The following CSNK1G1 variants were observed in gnomAD, a reference collection of about 807,000 sequenced individuals.
CSNK1G1 encodes the protein casein kinase I isoform gamma-1.
Under a neutral mutation model 59.6 loss-of-function variants are expected in CSNK1G1, and 22 were observed. The observed-to-expected ratio is 0.37, with a 90% CI of 0.26 to 0.53. The LOEUF (loss-of-function observed/expected upper bound fraction) is 0.53, where lower values mean the gene tolerates loss of function less well. Among genes scored for constraint, CSNK1G1 ranks in the 20% least tolerant of loss-of-function variants. The pLI is 0.89. For synonymous variants in CSNK1G1, 179 were observed against 177.1 expected (o/e 1.01, Z -0.08); for missense variants, 384 against 519.5 (o/e 0.74, Z 2.54).
intron 4 of CSNK1G1, among the ~76,000 whole-genome samples, chr15:64,219,137 G>T (rs1278306252): frequency 6.6e-6 from 1 of 152,164 alleles, no homozygotes; most frequent in African/African-American, 2.4e-5. Flanking sequence ...TTACAGGCGT[G>T]AGCCACCACA....
intron 10 of CSNK1G1, among the ~76,000 whole-genome samples, chr15:64,192,840 TAAAAAAAAAAA>T (rs66643774): frequency 2.2e-4 from 7 of 32,226 alleles, no homozygotes; most frequent in South Asian, 2.0e-3. Context: ...GAGATCTGCC[TAAAAAAAAAAA>T]AAAAAAAAAA....
intron 4 of CSNK1G1, among the ~76,000 whole-genome samples, chr15:64,250,825 G>C (rs564983848): frequency 6.6e-6 from 1 of 152,174 alleles, no homozygotes; most frequent in African/African-American, 2.4e-5. Context: ...CAGTGAAGGG[G>C]GCATAAAGCA....
intron 4 of CSNK1G1, among the ~76,000 whole-genome samples, chr15:64,238,779 C>G (rs1040656959): frequency 6.6e-6 from 1 of 151,700 alleles, no homozygotes; most frequent in Non-Finnish European, 1.5e-5. Flanking sequence ...CATGCCCCCC[C>G]AGGGATAGAG....
intron 1 of CSNK1G1, among the ~76,000 whole-genome samples, chr15:64,322,067 T>C (rs748392858): frequency 5.9e-5 from 9 of 152,242 alleles, no homozygotes; most frequent in Non-Finnish European, 8.8e-5. Context: ...TATTCTGTAA[T>C]ATGTAATATC....
chr15:64,254,812 T>A (rs964316700), intron 3 of CSNK1G1, among the ~76,000 whole-genome samples: 5 of 152,250 alleles, frequency 3.3e-5, no homozygotes, highest in African/African-American at 1.2e-4. Context: ...CCAACTTAGC[T>A]AGTTTTTTTC....
chr15:64,204,105 T>C (rs963487689), intron 9 of CSNK1G1, among the ~76,000 whole-genome samples: 2 of 151,880 alleles, frequency 1.3e-5, no homozygotes, highest in African/African-American at 2.4e-5. Flanking sequence ...ATTGGCGCCA[T>C]TGCACTCCAG....
intron 1 of CSNK1G1, among the ~76,000 whole-genome samples, chr15:64,335,549 C>G (rs1447940479): frequency 6.6e-6 from 1 of 152,186 alleles, no homozygotes; most frequent in Non-Finnish European, 1.5e-5. Context: ...CATTAACTGC[C>G]TCATCACTAT....
chr15:64,342,783 C>G (rs1047701060), intron 1 of CSNK1G1: 2 of 152,152 alleles, frequency 1.3e-5, no homozygotes, highest in Non-Finnish European at 2.9e-5. Context: ...ATTTCCTCTG[C>G]CTAACTTTCA....
intron 10 of CSNK1G1, among the ~76,000 whole-genome samples, chr15:64,186,197 C>T (rs933916950): frequency 5.9e-5 from 9 of 152,088 alleles, no homozygotes; most frequent in Non-Finnish European, 1.3e-4. Flanking sequence ...ACTTCTGCCT[C>T]CCGAGTTTAA....
chr15:64,202,957 G>C (rs2082126737), intron 10 of CSNK1G1, 125 bp downstream of exon 10: 1 of 747,204 alleles, frequency 1.3e-6, no homozygotes, highest in Non-Finnish European at 2.3e-6. Context: ...ACACCTGTAA[G>C]AAATGGCAAG....
At chr15:64,180,259 C>T in intron 11 of CSNK1G1, 89 bp downstream of exon 11, 1 of 940,532 alleles carries the variant, frequency 1.1e-6, no homozygotes, top group Non-Finnish European at 1.7e-6. Context: ...ATGAGAAATC[C>T]AGTCTGAGAC....
chr15:64,268,240 C>T (rs1893086909), intron 2 of CSNK1G1, among the ~76,000 whole-genome samples: 1 of 152,094 alleles, frequency 6.6e-6, no homozygotes, highest in East Asian at 1.9e-4. Flanking sequence ...ACAAATCCTG[C>T]ATCATCTCAC....
At chr15:64,202,050 T>C (rs2082116293) in intron 10 of CSNK1G1, among the ~76,000 whole-genome samples, 1 of 152,164 alleles carries the variant, frequency 6.6e-6, no homozygotes, top group Non-Finnish European at 1.5e-5. Flanking sequence ...CTTGTTGATT[T>C]TTTGGTGTGT....
chr15:64,327,096 G>A (rs1436579108), intron 1 of CSNK1G1, among the ~76,000 whole-genome samples: 2 of 151,928 alleles, frequency 1.3e-5, no homozygotes, highest in South Asian at 2.1e-4. Flanking sequence ...GAGGCTGGGG[G>A]AGGGGCGCCC....
chr15:64,263,009 G>C (rs1847106636), intron 2 of CSNK1G1, among the ~76,000 whole-genome samples: 1 of 147,390 alleles, frequency 6.8e-6, no homozygotes, highest in Non-Finnish European at 1.5e-5. Flanking sequence ...AACCCAGGAG[G>C]CAGAGGTTGC....
In CSNK1G1 at chr15:64,200,637, C is replaced by T. The variant is rs565867867; in HGVS notation, c.1107+2445G>A. 4.6e-5 allele frequency among the ~76,000 whole-genome samples: 7 copies of T among 152,300 alleles called. No homozygotes were observed. Among genetic ancestry groups the T allele is most frequent in the South Asian group, 2.1e-4 (1 of 4,824 alleles). The stretch of plus-strand genomic sequence containing the variant: ...CTGGGATTACAGGCGTGAGCCACTG[C>T]GCCTGGCCGCATTATAGAGTAATAA... On this transcript the variant is annotated intron_variant, in intron 10 of 11. Coordinates refer to ENST00000303052, the MANE Select transcript of CSNK1G1 (RefSeq NM_022048.5). This position sits in a 1 kb window ranked among gnomAD's most constrained non-coding sequence, Gnocchi z 4.3.
chr15:64,219,086 C>T (rs2082351560), intron 4 of CSNK1G1, among the ~76,000 whole-genome samples: 1 of 151,500 alleles, frequency 6.6e-6, no homozygotes, highest in Admixed American at 6.6e-5. Context: ...AACTCCTGAC[C>T]TCAGGTGATC....
intron 2 of CSNK1G1, among the ~76,000 whole-genome samples, chr15:64,278,377 C>CGTGTGT (rs56064136): frequency 0.02 from 2,213 of 111,372 alleles, 33 homozygotes; most frequent in South Asian, 0.038. Context: ...CATGTATGTG[C>CGTGTGT]GTGTGTGTGT....
intron 1 of CSNK1G1, among the ~76,000 whole-genome samples, chr15:64,304,890 G>A (rs1287805193): frequency 6.6e-6 from 1 of 152,154 alleles, no homozygotes; most frequent in Non-Finnish European, 1.5e-5. Context: ...AAACTCAAAA[G>A]CAAACCAGGC....
Sources: gnomAD v4.1 joint callset for allele counts (sites outside exome capture counted in the v4.1 genomes callset) on GRCh38, gnomAD v4.1.1 for gene constraint, Gnocchi (gnomAD v3.1) non-coding constraint, MANE v1.5 for transcripts, NCBI Gene and HGNC (gene_info 2026-07-23, HGNC 2026-07-21) for gene names.